ARHGAP8: variants seen among roughly 807,000 people sequenced by gnomAD.
The protein encoded by ARHGAP8 is rho GTPase-activating protein 8.
ARHGAP8 carries 62 observed loss-of-function variants against 46.1 expected under a neutral mutation model. The ratio of observed to expected loss-of-function variants is 1.34; its 90% CI spans 1.10 to 1.66. The LOEUF is 1.66. ARHGAP8 is among the 40% of genes most tolerant of loss of function. The pLI is 0.00. For missense variants in ARHGAP8, 923 were observed against 568.4 expected (o/e 1.62, Z -6.34); for synonymous variants, 375 against 243.1 (o/e 1.54, Z -5.05).
chr22:44,782,287 A>C (rs1926898418), intron 1 of ARHGAP8, among the ~76,000 whole-genome samples: 1 of 152,220 alleles, frequency 6.6e-6, no homozygotes, highest in African/African-American at 2.4e-5. Context: ...CAGTGAGCCA[A>C]GATCGCACCA....
At chr22:44,770,061 TG>T (rs1925884245) in intron 1 of ARHGAP8, among the ~76,000 whole-genome samples, 1 of 152,084 alleles carries the variant, frequency 6.6e-6, no homozygotes, top group Non-Finnish European at 1.5e-5. Context: ...CTGGCCAACA[TG>T]GTGAAACCCC....
intron 2 of ARHGAP8, among the ~76,000 whole-genome samples, chr22:44,788,107 T>C (rs1927410834): frequency 6.7e-6 from 1 of 149,648 alleles, no homozygotes. Context: ...GTTATTATTA[T>C]TATTATTATT....
chr22:44,754,616 A>G (rs1924524022), intron 1 of ARHGAP8, among the ~76,000 whole-genome samples: 1 of 152,072 alleles, frequency 6.6e-6, no homozygotes, highest in South Asian at 2.1e-4. Flanking sequence ...TTGGCCTTCC[A>G]AAGTGCTTGG....
At chr22:44,804,799 T>C (rs192607211) in intron 3 of ARHGAP8, among the ~76,000 whole-genome samples, 1 of 151,940 alleles carries the variant, frequency 6.6e-6, no homozygotes, top group Admixed American at 6.5e-5. Flanking sequence ...CCCCCCAATA[T>C]ATGCATTCTA....
intron 10 of ARHGAP8, 100 bp from the exon 11 acceptor site, chr22:44,859,631 C>G (rs1481538728): frequency 6.9e-6 from 9 of 1,313,110 alleles, no homozygotes; most frequent in Non-Finnish European, 9.6e-6. Context: ...AGTCCATCCT[C>G]AGAGCTGTCC....
intron 10 of ARHGAP8, among the ~76,000 whole-genome samples, chr22:44,859,021 TGGCAAAAACA>T (rs1365929652): frequency 1.3e-5 from 2 of 151,734 alleles, no homozygotes; most frequent in African/African-American, 4.9e-5. Flanking sequence ...AAAACGTTAT[TGGCAAAAACA>T]GGCAGTGGGC....
chr22:44,812,530 T>C (rs543860677), intron 4 of ARHGAP8, among the ~76,000 whole-genome samples: 4 of 151,962 alleles, frequency 2.6e-5, no homozygotes, highest in Non-Finnish European at 5.9e-5. Context: ...CTAATTTTTG[T>C]ATTTTTAGTG....
rs887087264 is a variant in ARHGAP8, at chr22:44,772,498, A to G, written c.-71-13959A>G. On this transcript the variant is annotated intron_variant, in intron 1 of 11. Coordinates refer to ENST00000356099, the MANE Select transcript of ARHGAP8 (RefSeq NM_181335.3). Reference sequence around the variant, plus strand: ...AGCCACCGTGCTGGCTGATTTTTGAATATTAAAACAACTCTGCAAAGCTGA... The same window carrying G: ...AGCCACCGTGCTGGCTGATTTTTGAGTATTAAAACAACTCTGCAAAGCTGA... Among the ~76,000 whole-genome samples the G allele has an allele frequency of 2.6e-5, 4 of 151,288 alleles. No individual in the cohort carries two copies. The East Asian group carries it at 7.8e-4, about 29-fold the overall frequency.
intron 3 of ARHGAP8, among the ~76,000 whole-genome samples, chr22:44,803,731 A>C (rs1253011861): frequency 1.4e-5 from 1 of 73,082 alleles, no homozygotes; most frequent in South Asian, 6.5e-4. Flanking sequence ...ACCTCCTCTC[A>C]TGCACCCACC....
intron 7 of ARHGAP8, among the ~76,000 whole-genome samples, chr22:44,826,372 T>C (rs1930523803): frequency 6.6e-6 from 1 of 152,166 alleles, no homozygotes; most frequent in Admixed American, 6.6e-5. Flanking sequence ...ATCAGCCACA[T>C]GACCTTGAAC....
intron 1 of ARHGAP8, among the ~76,000 whole-genome samples, chr22:44,782,460 A>C (rs1926912500): frequency 6.6e-6 from 1 of 151,870 alleles, no homozygotes; most frequent in Non-Finnish European, 1.5e-5. Flanking sequence ...CGTTTTCATC[A>C]CCCCAGTGGG....
At chr22:44,780,268 G>T (rs1425569360) in intron 1 of ARHGAP8, among the ~76,000 whole-genome samples, 2 of 151,514 alleles carry the variant, frequency 1.3e-5, no homozygotes, top group Non-Finnish European at 2.9e-5. Flanking sequence ...GAGGCAAGAG[G>T]ATCTCTTGAG....
At chr22:44,791,038 CCTT>C (rs1170458067) in intron 2 of ARHGAP8, among the ~76,000 whole-genome samples, 5 of 152,114 alleles carry the variant, frequency 3.3e-5, no homozygotes, top group African/African-American at 1.2e-4. Context: ...TGGAACTTGG[CCTT>C]CTTCTTCAAT....
At chr22:44,774,960 AGCT>A (rs1355080140) in intron 1 of ARHGAP8, among the ~76,000 whole-genome samples, 1 of 151,820 alleles carries the variant, frequency 6.6e-6, no homozygotes, top group African/African-American at 2.4e-5. Flanking sequence ...CCTCCCGAGT[AGCT>A]GGGACAACAG....
intron 7 of ARHGAP8, among the ~76,000 whole-genome samples, 190 bp downstream of exon 7, chr22:44,825,783 GTGCTCGC>G (rs1930471425): frequency 6.7e-6 from 1 of 148,184 alleles, no homozygotes; most frequent in East Asian, 2.1e-4. Flanking sequence ...GGGGGGGCGC[GTGCTCGC>G]TGCTCGGTGC....
chr22:44,763,018 G>A (rs1925263048), intron 1 of ARHGAP8, among the ~76,000 whole-genome samples: 1 of 152,130 alleles, frequency 6.6e-6, no homozygotes, highest in Non-Finnish European at 1.5e-5. Context: ...AGGGTGAGCG[G>A]ATCACCAATG....
chr22:44,818,449 T>TTAAAAAAAA (rs1602221077), intron 5 of ARHGAP8, among the ~76,000 whole-genome samples: 4 of 100,266 alleles, frequency 4.0e-5, no homozygotes, highest in African/African-American at 3.7e-4. Flanking sequence ...GACTCCAGTC[T>TTAAAAAAAA]CAAAAAAAAA....
chr22:44,780,290 A>G (rs4494860), intron 1 of ARHGAP8, among the ~76,000 whole-genome samples: 133,224 of 151,958 alleles, frequency 0.88, 58,465 homozygotes, highest in Non-Finnish European at 0.89. Flanking sequence ...CCAGGAGGCC[A>G]AGGCTGCAGT....
At chr22:44,787,940 TCCCCCCAAA>T (rs1569145128) in intron 2 of ARHGAP8, among the ~76,000 whole-genome samples, 35 of 118,174 alleles carry the variant, frequency 3.0e-4, no homozygotes, top group South Asian at 7.6e-4. Flanking sequence ...TTTTTTTTTT[TCCCCCCAAA>T]TGTCCTTTTA....
Sources: gnomAD v4.1 joint callset for allele counts (sites outside exome capture counted in the v4.1 genomes callset) on GRCh38, gnomAD v4.1.1 for gene constraint, MANE v1.5 for transcripts, NCBI Gene and HGNC (gene_info 2026-07-23, HGNC 2026-07-21) for gene names.